OR4Q3: variants seen among roughly 807,000 people sequenced by gnomAD.
The protein encoded by OR4Q3 is olfactory receptor family 4 subfamily Q member 3.
Under a neutral mutation model 18.8 loss-of-function variants are expected in OR4Q3, and 17 were observed. That is an observed-to-expected ratio of 0.91 (90% confidence interval 0.62 to 1.36). The LOEUF is 1.36. Among genes scored for constraint, OR4Q3 ranks in the 40% most tolerant of loss-of-function variants. The probability of loss-of-function intolerance (pLI) is 0.00; values close to 1 mark genes in which losing one functional copy is unlikely to be tolerated. For missense variants in OR4Q3, 378 were observed against 373.4 expected (o/e 1.01, Z -0.10); for synonymous variants, 158 against 145.8 (o/e 1.08, Z -0.60).
downstream of OR4Q3, among the ~76,000 whole-genome samples, chr14:19,750,198 T>A: frequency 1.3e-5 from 2 of 152,266 alleles, no homozygotes; most frequent in East Asian, 1.9e-4. Context: ...TTGGCCAGAC[T>A]GGTCTTGAAC....
At chr14:19,749,782 C>CTCTT, downstream of OR4Q3, among the ~76,000 whole-genome samples, 3 of 131,578 alleles carry the variant, frequency 2.3e-5, no homozygotes, top group Non-Finnish European at 4.9e-5. Context: ...CTTTTTCTTT[C>CTCTT]TCTTTCTTTC....
Position 19,748,267 on chromosome 14 carries a change from A to C in OR4Q3, c.864A>C (p.Thr288=). The change falls in exon 2 of 2, where the codon ACA becomes ACC. Residue 288 remains threonine (T), a synonymous_variant. Transcript: ENST00000642117. ...TCTCCTTGTTTTACACAGTGATTAC[A>C]CCTATGTTGAACCCCCTCATCTACA... 9.3e-4 allele frequency: 1,360 copies of C among 1,457,598 alleles called. No individual in the cohort carries two copies. The East Asian group carries it at 0.025, about 27-fold the overall frequency. The allele number at this position is 1,457,598 out of a possible 1,614,324, so 90.3% of individuals were successfully genotyped here. A position where few individuals can be genotyped will look rare whatever the true frequency, so the allele number is the denominator to read the frequency against.
At chr14:19,748,762 T>C in exon 2 of OR4Q3, 1 of 187,380 alleles carries the variant, frequency 5.3e-6, no homozygotes, top group Non-Finnish European at 1.1e-5. Context: ...TAATGATTCC[T>C]AGTGTTAGGA....
chr14:19,747,696 G>T lies in OR4Q3; in HGVS notation c.293G>T (p.Gly98Val). 5.0e-6 allele frequency: 8 copies of T among 1,614,012 alleles called. No homozygotes were observed. The African/African-American group carries it at 9.3e-5, about 19-fold the overall frequency. Residue 98 changes from glycine to valine, a missense_variant, in exon 2 of 2, where the codon GGC becomes GTC. Transcript: ENST00000642117. ...ATGTTAGGGGATTTCCTACAGCAGG[G>T]CAAGAGCATCTCTTTTTCAGGATGC...
At chr14:19,748,117 C>T in exon 2 of OR4Q3, 1 of 1,613,962 alleles carries the variant, frequency 6.2e-7, no homozygotes, top group Non-Finnish European at 8.5e-7. Context: ...GAACACACTT[C>T]TGCCAGGGCC....
intron 1 of OR4Q3, among the ~76,000 whole-genome samples, chr14:19,746,856 T>C: frequency 1.7e-4 from 26 of 152,370 alleles, no homozygotes; most frequent in Admixed American, 9.2e-4. Context: ...CAGTAAGTAT[T>C]GTGTTGCGGA....
chr14:19,743,750 G>C (rs545999536), intron 1 of OR4Q3, 79 bp downstream of exon 1: 2 of 152,276 alleles, frequency 1.3e-5, no homozygotes, highest in Admixed American at 1.3e-4. Flanking sequence ...TATGTTTACT[G>C]TTGTCCTCAC....
chr14:19,748,420 C>G, exon 2 of OR4Q3: 2 of 1,364,302 alleles, frequency 1.5e-6, no homozygotes, highest in Non-Finnish European at 2.0e-6. Flanking sequence ...TTGGAAGACT[C>G]TTAACTCATC....
chr14:19,746,892 C>T, intron 1 of OR4Q3, among the ~76,000 whole-genome samples: 4 of 151,734 alleles, frequency 2.6e-5, no homozygotes, highest in South Asian at 2.1e-4. Flanking sequence ...GATATTTCCT[C>T]ATCTTGAGAG....
chr14:19,747,885 G>A lies in OR4Q3; in HGVS notation c.482G>A (p.Gly161Asp). Residue 161 changes from glycine (G) to aspartate (D), a missense_variant, in exon 2 of 2, where the codon GGT becomes GAT. Physicochemically the swap from Gly to Asp is moderately conservative, Grantham distance 94. Coordinates refer to ENST00000642117, the Ensembl canonical transcript of OR4Q3. ...TTGGTTCTTGCCTGCTGGTGTGGGG[G>A]TTTTATCCACTCTATCATGCAGGTC... is the stretch of plus-strand genomic sequence containing the variant. 220 of 1,613,978 alleles carry A rather than the reference G, an allele frequency of 1.4e-4. No homozygotes were observed. The African/African-American group carries it at 2.6e-3, about 19-fold the overall frequency.
At chr14:19,745,092 T>C in intron 1 of OR4Q3, among the ~76,000 whole-genome samples, 13 of 152,160 alleles carry the variant, frequency 8.5e-5, no homozygotes, top group Non-Finnish European at 1.8e-4. Context: ...TGATTAAAAC[T>C]CAAATAACTG....
chr14:19,751,671 T>G, downstream of OR4Q3, among the ~76,000 whole-genome samples: 1 of 152,308 alleles, frequency 6.6e-6, no homozygotes, highest in South Asian at 2.1e-4. Flanking sequence ...TTCTAATTTG[T>G]GTGCATAGAG....
downstream of OR4Q3, among the ~76,000 whole-genome samples, chr14:19,750,480 A>G: frequency 1.3e-5 from 2 of 152,210 alleles, no homozygotes; most frequent in Non-Finnish European, 2.9e-5. Flanking sequence ...TGTTTTTTAT[A>G]TTTTGTCACT....
chr14:19,749,283 G>A, exon 2 of OR4Q3: 4 of 152,248 alleles, frequency 2.6e-5, no homozygotes, highest in Non-Finnish European at 5.9e-5. Flanking sequence ...TGAACTCAGA[G>A]TTAAGTGACT....
downstream of OR4Q3, among the ~76,000 whole-genome samples, chr14:19,750,870 T>C: frequency 6.6e-6 from 1 of 152,234 alleles, no homozygotes; most frequent in East Asian, 1.9e-4. Context: ...TTTTCAGGGT[T>C]TTTTGCATAC....
chr14:19,748,088 A>G lies in OR4Q3; in HGVS notation c.685A>G (p.Ile229Val). Residue 229 changes from isoleucine to valine, a missense_variant, in exon 2 of 2, where the codon ATC becomes GTC. Coordinates refer to ENST00000642117, the Ensembl canonical transcript of OR4Q3. Reference sequence around the variant, plus strand: ...CTTGGTCTTACTATTCTCTTATGCTATCATCCTGATCACCCTGAGAACACA... The same window carrying G: ...CTTGGTCTTACTATTCTCTTATGCTGTCATCCTGATCACCCTGAGAACACA... The G allele has an allele frequency of 2.4e-5, 39 of 1,613,930 alleles. No homozygotes were observed. The African/African-American group carries it at 4.4e-4, about 18-fold the overall frequency.
downstream of OR4Q3, among the ~76,000 whole-genome samples, chr14:19,751,399 G>A: frequency 3.3e-5 from 5 of 152,212 alleles, no homozygotes; most frequent in African/African-American, 1.2e-4. Context: ...TTCATAGAAT[G>A]AGTTAGGGAG....
chr14:19,749,144 A>C, exon 2 of OR4Q3: 1 of 152,252 alleles, frequency 6.6e-6, no homozygotes, highest in East Asian at 1.9e-4. Context: ...AAGAGTTTTA[A>C]CCTCTAAAGG....
chr14:19,751,123 A>C, downstream of OR4Q3, among the ~76,000 whole-genome samples: 2 of 152,250 alleles, frequency 1.3e-5, no homozygotes. Flanking sequence ...AATCATTTTA[A>C]ATGTCCAGTT....
Sources: gnomAD v4.1 joint callset for allele counts (sites outside exome capture counted in the v4.1 genomes callset) on GRCh38, gnomAD v4.1.1 for gene constraint, MANE v1.5 for transcripts, NCBI Gene and HGNC (gene_info 2026-07-23, HGNC 2026-07-21) for gene names.